Variants in ATXN7 observed in about 807,000 individuals in gnomAD.
The protein encoded by ATXN7 is ataxin 7.
A neutral mutation model predicts 70.5 loss-of-function variants in ATXN7; 12 were observed. The observed-to-expected ratio is 0.17, with a 90% confidence interval of 0.11 to 0.28. ATXN7 has a LOEUF of 0.28. Among genes scored for constraint, ATXN7 ranks in the 10% least tolerant of loss-of-function variants. The pLI is 1.00. For synonymous variants in ATXN7, 498 were observed against 448.7 expected, an observed-to-expected ratio of 1.11 and a Z score of -1.39; for missense variants, 1,256 against 1,131.7, an observed-to-expected ratio of 1.11 and a Z score of -1.58.
intron 1 of ATXN7, among the ~76,000 whole-genome samples, chr3:63,879,821 T>C (rs531078325): frequency 6.6e-6 from 1 of 152,240 alleles, no homozygotes; most frequent in South Asian, 2.1e-4. Context: ...CGGTGGCTCA[T>C]GTCTGTAATC....
intron 2 of ATXN7, among the ~76,000 whole-genome samples, chr3:63,910,797 A>G (rs1436287024): frequency 6.6e-6 from 1 of 152,106 alleles, no homozygotes; most frequent in Non-Finnish European, 1.5e-5. Flanking sequence ...AATTTTACAG[A>G]CTTATTTCTA....
At chr3:63,918,057 C>A (rs531400039) in intron 4 of ATXN7, among the ~76,000 whole-genome samples, 3 of 152,096 alleles carry the variant, frequency 2.0e-5, no homozygotes, top group African/African-American at 7.2e-5. Flanking sequence ...GAATAGCAAC[C>A]CAGTGTGATG....
At chr3:63,884,427 C>T (rs1475743962) in intron 1 of ATXN7, among the ~76,000 whole-genome samples, 1 of 151,712 alleles carries the variant, frequency 6.6e-6, no homozygotes, top group Admixed American at 6.6e-5. Flanking sequence ...ATAAAATATA[C>T]AGTATATATA....
At chr3:63,918,229 C>G (rs1041930929) in intron 4 of ATXN7, among the ~76,000 whole-genome samples, 1 of 152,146 alleles carries the variant, frequency 6.6e-6, no homozygotes, top group African/African-American at 2.4e-5. Context: ...GTTGGATAGC[C>G]TCAGTAAACA....
chr3:63,897,322 G>A (rs143549156), intron 1 of ATXN7, among the ~76,000 whole-genome samples: 82 of 152,290 alleles, frequency 5.4e-4, no homozygotes, highest in African/African-American at 1.5e-3. Flanking sequence ...ATGATTTTAA[G>A]CATTACTGAA....
intron 5 of ATXN7, among the ~76,000 whole-genome samples, chr3:63,956,753 A>G (rs1395314877): frequency 1.3e-5 from 2 of 152,164 alleles, no homozygotes; most frequent in African/African-American, 2.4e-5. Flanking sequence ...AATGACTGAC[A>G]AGAGATTGGT....
intron 2 of ATXN7, among the ~76,000 whole-genome samples, chr3:63,909,708 C>T (rs1703948756): frequency 6.6e-6 from 1 of 152,100 alleles, no homozygotes; most frequent in Non-Finnish European, 1.5e-5. Context: ...GATATCAGAA[C>T]ATTTCTAGGA....
At chr3:63,984,705 G>T (rs997481013) in intron 8 of ATXN7, among the ~76,000 whole-genome samples, 18 of 152,212 alleles carry the variant, frequency 1.2e-4, no homozygotes, top group African/African-American at 4.3e-4. Context: ...GACTGTGAAA[G>T]AATATTATAC....
intron 5 of ATXN7, among the ~76,000 whole-genome samples, chr3:63,966,951 A>AT (rs1284437171): frequency 2.0e-5 from 3 of 151,892 alleles, no homozygotes; most frequent in Non-Finnish European, 4.4e-5. Flanking sequence ...ACTTGTGGGG[A>AT]TTTTTTGTTG....
chr3:63,982,418 A>C lies in ATXN7; in HGVS notation c.985A>C (p.Arg329=), dbSNP rs780996521. The C allele has an allele frequency of 6.2e-7, 1 of 1,610,458 alleles. No homozygotes were observed. Among genetic ancestry groups the C allele is most frequent in the Non-Finnish European group, 8.5e-7 (1 of 1,177,248 alleles). The change falls in exon 7 of 13, where the codon AGG becomes CGG. Residue 329 remains arginine, a synonymous_variant. Coordinates refer to ENST00000674280, the MANE Select transcript of ATXN7 (RefSeq NM_001377405.1). Reference sequence around the variant, plus strand: ...GAAACCTGAAGACAATTCCAATAATAGGAAATTTTTAAATAAGAGATTATC... The same window carrying C: ...GAAACCTGAAGACAATTCCAATAATCGGAAATTTTTAAATAAGAGATTATC... The part of the protein sequence containing the change: ...EKKPEDNSNN[R]KFLNKRLSER...
At chr3:63,954,066 T>C (rs1232648643) in intron 5 of ATXN7, among the ~76,000 whole-genome samples, 4 of 152,208 alleles carry the variant, frequency 2.6e-5, no homozygotes, top group Non-Finnish European at 5.9e-5. Context: ...ATAAATCCTT[T>C]ATTTAACCAT....
intron 4 of ATXN7, among the ~76,000 whole-genome samples, chr3:63,918,122 G>A (rs902423590): frequency 3.9e-5 from 6 of 152,168 alleles, no homozygotes; most frequent in African/African-American, 1.4e-4. Context: ...ACGTGATTGA[G>A]CCTGGGGCAA....
At chr3:63,912,119 C>G (rs936676000) in intron 2 of ATXN7, 2 of 152,180 alleles carry the variant, frequency 1.3e-5, no homozygotes, top group African/African-American at 4.8e-5. Flanking sequence ...CTCGGACGGA[C>G]GCGCGGACGG....
intron 4 of ATXN7, among the ~76,000 whole-genome samples, chr3:63,922,763 A>G (rs2107321330): frequency 6.6e-6 from 1 of 152,280 alleles, no homozygotes; most frequent in African/African-American, 2.4e-5. Context: ...GCAGTTCTTC[A>G]CTTAAATTAC....
Position 63,896,879 on chromosome 3 carries a change from C to G in ATXN7, c.-110-1520C>G, listed in dbSNP as rs1398961552. On this transcript the variant is annotated intron_variant, in intron 1 of 12. Coordinates refer to ENST00000674280, the MANE Select transcript of ATXN7 (RefSeq NM_001377405.1). ...ATAGTATTCTGAATCTGATGACTTC[C>G]TTGGATACTTTGGAGAAATAGCAGC... is the stretch of plus-strand genomic sequence containing the variant. 2.0e-5 allele frequency among the ~76,000 whole-genome samples: 3 copies of G among 152,212 alleles called. No individual in the cohort carries two copies. In the East Asian group the frequency reaches 5.8e-4, roughly 29 times the overall value.
chr3:63,937,749 G>A (rs1262648945), intron 4 of ATXN7, among the ~76,000 whole-genome samples: 1 of 152,128 alleles, frequency 6.6e-6, no homozygotes, highest in African/African-American at 2.4e-5. Flanking sequence ...GTTAGGGACT[G>A]GGATCAGGAG....
At chr3:63,953,124 G>A (rs1198674587) in intron 5 of ATXN7, among the ~76,000 whole-genome samples, 2 of 151,964 alleles carry the variant, frequency 1.3e-5, no homozygotes, top group East Asian at 1.9e-4. Flanking sequence ...TGGAGAGGCA[G>A]GCAAAACTAA....
At chr3:63,870,361 T>C (rs1460654860) in intron 1 of ATXN7, among the ~76,000 whole-genome samples, 1 of 152,186 alleles carries the variant, frequency 6.6e-6, no homozygotes, top group African/African-American at 2.4e-5. Flanking sequence ...GATGCATAGA[T>C]TTGTGGCATT....
At chr3:63,913,133 C>T (rs1704124240) in intron 3 of ATXN7, 24 bp from the exon 4 acceptor site, 1 of 1,610,826 alleles carries the variant, frequency 6.2e-7, no homozygotes, top group Non-Finnish European at 8.5e-7. Context: ...CTCTCCCCTC[C>T]TCCTGTGTGT....
Sources: allele counts gnomAD v4.1 joint callset (sites outside exome capture counted in the v4.1 genomes callset), GRCh38; gene constraint gnomAD v4.1.1; transcripts MANE v1.5; gene names NCBI Gene and HGNC (gene_info 2026-07-23, HGNC 2026-07-21).